The following TMEM132C variants were observed in gnomAD, a reference collection of about 807,000 sequenced individuals.
The protein encoded by TMEM132C is transmembrane protein 132C.
In TMEM132C, 29 loss-of-function variants were observed where a neutral mutation model predicts 61.4. That is an observed-to-expected ratio of 0.47 (90% confidence interval 0.35 to 0.64). The LOEUF (loss-of-function observed/expected upper bound fraction) is 0.64. Ranked by LOEUF, TMEM132C falls within the 30% of genes least tolerant of loss-of-function variation. TMEM132C has a pLI of 0.00. For missense variants in TMEM132C, 1,408 were observed against 1,476.9 expected (o/e 0.95, Z 0.76); for synonymous variants, 656 against 633.1 (o/e 1.04, Z -0.54).
At position 128,544,001 on chromosome 12, in the gene TMEM132C, G is replaced by A. The variant is rs1164077612; in HGVS notation, c.1019G>A (p.Arg340His). ...GTGAACATCCTGAGTGCTCAGACCCGTGAGCCCCGGCAGTGGGGCGTCAAG... is the reference window on the plus strand; with the variant it reads ...GTGAACATCCTGAGTGCTCAGACCCATGAGCCCCGGCAGTGGGGCGTCAAG... ...KGVNILSAQT[R>H]EPRQWGVKQE... Residue 340 changes from arginine to histidine, a missense_variant, in exon 3 of 9, where the codon CGT (arginine) becomes CAT (histidine). Transcript: ENST00000435159. 42 of 1,549,160 alleles carry A rather than the reference G, an allele frequency of 2.7e-5. No homozygotes were observed. In the East Asian group the frequency reaches 6.6e-4, roughly 24 times the overall value.
At chr12:128,413,372 G>A (rs1485640035) in intron 1 of TMEM132C, among the ~76,000 whole-genome samples, 1 of 149,030 alleles carries the variant, frequency 6.7e-6, no homozygotes, top group East Asian at 2.0e-4. Flanking sequence ...GATTGCCAGA[G>A]GTGTATCTTC....
chr12:128,624,364 C>T lies in TMEM132C; in HGVS notation c.1305+8029C>T, dbSNP rs2200813. On this transcript the variant is annotated intron_variant, in intron 4 of 8. Transcript: ENST00000435159. ...TTCAAGACCACCCTGGCCAAGATAG[C>T]GAAACCCCGTCTCTACTAAAAATAC... Among the ~76,000 whole-genome samples the T allele has an allele frequency of 9.8e-4, 149 of 151,778 alleles. 2 individuals carry two copies. The highest frequency in any genetic ancestry group is 3.2e-3 in the African/African-American group (131 of 41,312).
intron 4 of TMEM132C, among the ~76,000 whole-genome samples, chr12:128,618,452 C>T (rs980663940): frequency 6.6e-6 from 1 of 152,206 alleles, no homozygotes; most frequent in Admixed American, 6.5e-5. Context: ...CTTTGCAGCA[C>T]CAGCACAGAG....
chr12:128,409,494 G>A (rs546027180), intron 1 of TMEM132C, among the ~76,000 whole-genome samples: 1 of 152,072 alleles, frequency 6.6e-6, no homozygotes, highest in Non-Finnish European at 1.5e-5. Context: ...TCATCACCAT[G>A]GGGGGAGAAA....
chr12:128,508,095 A>G (rs978649125), intron 2 of TMEM132C, among the ~76,000 whole-genome samples: 2 of 152,204 alleles, frequency 1.3e-5, no homozygotes, highest in African/African-American at 4.8e-5. Flanking sequence ...TGATGAAGAC[A>G]TACCTGAGAC....
intron 3 of TMEM132C, among the ~76,000 whole-genome samples, chr12:128,584,592 T>G (rs73426456): frequency 6.6e-6 from 1 of 152,174 alleles, no homozygotes; most frequent in African/African-American, 2.4e-5. Context: ...GTAACAGGCA[T>G]CCCCAACGTG....
intron 2 of TMEM132C, among the ~76,000 whole-genome samples, chr12:128,487,328 T>C (rs1417688074): frequency 1.3e-5 from 2 of 152,210 alleles, no homozygotes; most frequent in African/African-American, 4.8e-5. Context: ...AACTTCACTA[T>C]GTTGTTCTAG....
intron 1 of TMEM132C, among the ~76,000 whole-genome samples, chr12:128,356,301 C>A (rs531222465): frequency 6.6e-6 from 1 of 152,200 alleles, no homozygotes; most frequent in Non-Finnish European, 1.5e-5. Context: ...ACCCAGACCC[C>A]GTGCCTCAGC....
At chr12:128,695,760 G>T in intron 6 of TMEM132C, 70 bp from the exon 7 acceptor site, 1 of 1,453,590 alleles carries the variant, frequency 6.9e-7, no homozygotes, top group Non-Finnish European at 9.1e-7. Flanking sequence ...TGAGGTGAGC[G>T]CCTGCCTGTC....
intron 1 of TMEM132C, among the ~76,000 whole-genome samples, chr12:128,330,673 C>G (rs1298647984): frequency 6.6e-5 from 10 of 152,176 alleles, no homozygotes; most frequent in Non-Finnish European, 1.2e-4. Flanking sequence ...AAACTCTTTT[C>G]CCTTCATTTT....
intron 3 of TMEM132C, 25 bp from the exon 4 acceptor site, chr12:128,616,124 TAAA>T: frequency 6.5e-7 from 1 of 1,546,562 alleles, no homozygotes; most frequent in Non-Finnish European, 8.7e-7. Flanking sequence ...AAAGTTGGCT[TAAA>T]GCCAGTTTCT....
chr12:128,315,568 G>A (rs1042912957), intron 1 of TMEM132C, among the ~76,000 whole-genome samples: 1 of 152,064 alleles, frequency 6.6e-6, no homozygotes, highest in Non-Finnish European at 1.5e-5. Flanking sequence ...TGACTCTCTT[G>A]CAGGAAGGGT....
intron 2 of TMEM132C, among the ~76,000 whole-genome samples, chr12:128,461,159 C>T (rs1870520696): frequency 6.6e-6 from 1 of 152,284 alleles, no homozygotes; most frequent in African/African-American, 2.4e-5. Context: ...AAAGTTTGCT[C>T]CTGGCAGCTA....
chr12:128,473,736 T>C (rs1033233780), intron 2 of TMEM132C, among the ~76,000 whole-genome samples: 13 of 138,680 alleles, frequency 9.4e-5, no homozygotes, highest in Non-Finnish European at 1.7e-4. Flanking sequence ...TCGTCTTCAC[T>C]TCAGCCTCTG....
At chr12:128,637,296 T>C (rs767581215) in intron 4 of TMEM132C, among the ~76,000 whole-genome samples, 8 of 152,218 alleles carry the variant, frequency 5.3e-5, no homozygotes, top group Non-Finnish European at 1.2e-4. Context: ...AGGAGCTCCT[T>C]AAGTCATCCC....
intron 1 of TMEM132C, among the ~76,000 whole-genome samples, chr12:128,301,424 T>C (rs192000294): frequency 1.3e-5 from 2 of 152,296 alleles, no homozygotes; most frequent in East Asian, 1.9e-4. Context: ...GAATTAAATA[T>C]ATCGAAATTT....
intron 2 of TMEM132C, among the ~76,000 whole-genome samples, chr12:128,516,838 C>A (rs777444084): frequency 7.2e-5 from 11 of 151,762 alleles, no homozygotes; most frequent in Non-Finnish European, 1.3e-4. Flanking sequence ...GGCTTGAACT[C>A]CGGGGTTCAA....
intron 1 of TMEM132C, among the ~76,000 whole-genome samples, chr12:128,390,326 G>T (rs1194980707): frequency 6.6e-6 from 1 of 152,208 alleles, no homozygotes; most frequent in African/African-American, 2.4e-5. Context: ...GTTCCTCCTG[G>T]CAGCTCCGGA....
At chr12:128,623,155 C>G (rs1953983133) in intron 4 of TMEM132C, among the ~76,000 whole-genome samples, 1 of 152,028 alleles carries the variant, frequency 6.6e-6, no homozygotes, top group South Asian at 2.1e-4. Flanking sequence ...GATACCATAC[C>G]CACTGCCTGC....
Sources: allele counts gnomAD v4.1 joint callset (sites outside exome capture counted in the v4.1 genomes callset), GRCh38; gene constraint gnomAD v4.1.1; transcripts MANE v1.5; gene names NCBI Gene and HGNC (gene_info 2026-07-23, HGNC 2026-07-21).